Variants in ZNF264 observed in about 807,000 individuals in gnomAD.
The protein encoded by ZNF264 is zinc finger protein 264.
Under a neutral mutation model 11.2 loss-of-function variants are expected in ZNF264, and 11 were observed. The observed-to-expected ratio is 0.98, with a 90% confidence interval of 0.62 to 1.63. The LOEUF is 1.63. Ranked by LOEUF, ZNF264 falls within the 40% of genes most tolerant of loss-of-function variation. The probability of loss-of-function intolerance (pLI) is 0.00; values close to 1 mark genes in which losing one functional copy is unlikely to be tolerated. For missense variants in ZNF264, 752 were observed against 768.1 expected (o/e 0.98, Z 0.25); for synonymous variants, 309 against 279.8 (o/e 1.10, Z -1.04).
rs537601339 is a variant in ZNF264, at chr19:57,210,993, G to T, written c.257-361G>T. ...TGTCTTCCATGTGGGCTCATTAGGT[G>T]CTCCTTCCTCGTGTTCTTGTAGCAA... is the stretch of plus-strand genomic sequence containing the variant. On this transcript the variant is annotated intron_variant, in intron 3 of 3. Transcript: ENST00000263095. Among the ~76,000 whole-genome samples the T allele has an allele frequency of 3.9e-5, 6 of 152,326 alleles. No individual in the cohort carries two copies. In the South Asian group the frequency reaches 1.2e-3, roughly 32 times the overall value.
Position 57,212,092 on chromosome 19 carries a change from G to A in ZNF264, c.995G>A (p.Arg332Gln), listed in dbSNP as rs775898066. 3.5e-5 allele frequency: 56 copies of A among 1,613,988 alleles called. No homozygotes were observed. The East Asian group carries it at 7.4e-4, about 21-fold the overall frequency. The change falls in exon 4 of 4, where the codon CGG becomes CAG. Residue 332 changes from arginine to glutamine, a missense_variant. Arg to Gln is a conservative substitution (Grantham distance 43). Transcript: ENST00000263095. ...QVFRHRPGFLRHYVVHSGENP... is the reference protein window; with the variant it reads ...QVFRHRPGFLQHYVVHSGENP... ...TTTCGACATAGGCCAGGCTTTCTCC[G>A]GCACTATGTTGTCCACAGTGGTGAG...
chr19:57,207,840 C>A (rs1371899983), intron 3 of ZNF264, among the ~76,000 whole-genome samples: 2 of 152,080 alleles, frequency 1.3e-5, no homozygotes, highest in African/African-American at 4.8e-5. Flanking sequence ...GATTCTCCTG[C>A]CTCAGCCTCC....
At chr19:57,205,534 T>C (rs1372968501) in intron 3 of ZNF264, 42 bp downstream of exon 3, 1 of 1,545,956 alleles carries the variant, frequency 6.5e-7, no homozygotes, top group Admixed American at 1.9e-5. Flanking sequence ...CCTTCTGGCT[T>C]AAGACTGGAT....
At chr19:57,196,974 G>C (rs902641523) in intron 2 of ZNF264, among the ~76,000 whole-genome samples, 1 of 151,878 alleles carries the variant, frequency 6.6e-6, no homozygotes, top group Non-Finnish European at 1.5e-5. Context: ...ATTTCCCTTC[G>C]CCACTCTCCT....
intron 3 of ZNF264, among the ~76,000 whole-genome samples, 189 bp downstream of exon 3, chr19:57,205,681 T>C (rs1272474504): frequency 1.3e-5 from 2 of 152,166 alleles, no homozygotes; most frequent in African/African-American, 4.8e-5. Context: ...TTCTCTGTCC[T>C]CCTAGCCCCA....
In ZNF264 at chr19:57,213,279, G is replaced by T; in HGVS notation, c.*298G>T. The T allele has an allele frequency of 7.7e-6, 2 of 259,340 alleles. No individual in the cohort carries two copies. The highest frequency in any genetic ancestry group is 1.5e-5 in the Non-Finnish European group (2 of 134,710). 16.1% of individuals were successfully genotyped at this position (259,340 alleles called of 1,614,324 possible). A position where few individuals can be genotyped will look rare whatever the true frequency, so the allele number is the denominator to read the frequency against. ...GTCATGGATTTCTTAGTGTATTTGG[G>T]GGAAGGGAAATGTTTCAAGGTAAAG... On this transcript the variant is annotated 3_prime_UTR_variant, in exon 4 of 4. Coordinates refer to ENST00000263095, the MANE Select transcript of ZNF264 (RefSeq NM_003417.5).
At chr19:57,193,677 A>G (rs1397902889) in intron 1 of ZNF264, 198 bp from the exon 2 acceptor site, 2 of 625,662 alleles carry the variant, frequency 3.2e-6, no homozygotes, top group Non-Finnish European at 4.0e-6. Context: ...GCCGTTAAAT[A>G]GGAGGCTTCT....
intron 2 of ZNF264, among the ~76,000 whole-genome samples, chr19:57,197,153 G>T (rs1211313889): frequency 6.6e-6 from 1 of 151,886 alleles, no homozygotes; most frequent in Non-Finnish European, 1.5e-5. Context: ...GGGAGAGAAG[G>T]TGGGGTGGCA....
In ZNF264 at chr19:57,218,031, C is replaced by T. The variant is rs575761038; in HGVS notation, c.*5050C>T. ...GTCTCAAACTCCTGACCTTGTGATCCGCCAACCTTGGCCTGTCGACCTCTT... is the reference window on the plus strand; with the variant it reads ...GTCTCAAACTCCTGACCTTGTGATCTGCCAACCTTGGCCTGTCGACCTCTT... On this transcript the variant is annotated 3_prime_UTR_variant, in exon 4 of 4. Transcript: ENST00000263095. The T allele has an allele frequency of 9.2e-5, 14 of 152,178 alleles. No homozygotes were observed. The highest frequency in any genetic ancestry group is 4.2e-4 in the South Asian group (2 of 4,814). 9.4% of individuals were successfully genotyped at this position (152,178 alleles called of 1,614,324 possible).
Position 57,215,743 on chromosome 19 carries a change from A to G in ZNF264, c.*2762A>G, listed in dbSNP as rs1231076612. The G allele has an allele frequency of 6.6e-6, 1 of 151,988 alleles. No individual in the cohort carries two copies. Among genetic ancestry groups the G allele is most frequent in the Non-Finnish European group, 1.5e-5 (1 of 67,956 alleles). 9.4% of individuals were successfully genotyped at this position (151,988 alleles called of 1,614,324 possible). A position where few individuals can be genotyped will look rare whatever the true frequency, so the allele number is the denominator to read the frequency against. On this transcript the variant is annotated 3_prime_UTR_variant, in exon 4 of 4. Coordinates refer to ENST00000263095, the MANE Select transcript of ZNF264 (RefSeq NM_003417.5). ...TTACATTTTAATTCTAATAGTTTTT[A>G]TTTTTTGAGACATTCTCTCTTAGCC...
chr19:57,218,230 G>T lies in ZNF264; in HGVS notation c.*5249G>T, dbSNP rs2087394072. 6.6e-6 allele frequency: 1 copy of T among 151,850 alleles called. No homozygotes were observed. Among genetic ancestry groups the T allele is most frequent in the Non-Finnish European group, 1.5e-5 (1 of 67,988 alleles). 9.4% of individuals were successfully genotyped at this position (151,850 alleles called of 1,614,324 possible). On this transcript the variant is annotated 3_prime_UTR_variant, in exon 4 of 4. Transcript: ENST00000263095. ...TCCTTCATTCCCAAAGAATATTTTT[G>T]TGGAATATAAGATTCAGAGTTGGCA...
intron 2 of ZNF264, among the ~76,000 whole-genome samples, chr19:57,200,556 G>A (rs2087244303): frequency 6.8e-6 from 1 of 147,332 alleles, no homozygotes; most frequent in African/African-American, 2.5e-5. Context: ...CTTGTGTCTT[G>A]TGTCTTGTCT....
chr19:57,193,683 C>A, intron 1 of ZNF264, 192 bp from the exon 2 acceptor site: 1 of 620,976 alleles, frequency 1.6e-6, no homozygotes, highest in Non-Finnish European at 2.0e-6. Flanking sequence ...AAATAGGAGG[C>A]TTCTCTCCTT....
At position 57,213,227 on chromosome 19, in the gene ZNF264, G is replaced by T. The variant is rs2087355008; in HGVS notation, c.*246G>T. 8.0e-6 allele frequency: 3 copies of T among 374,326 alleles called. No homozygotes were observed. Among genetic ancestry groups the T allele is most frequent in the Non-Finnish European group, 1.4e-5 (3 of 208,486 alleles). The allele number at this position is 374,326 out of a possible 1,614,324, so 23.2% of individuals were successfully genotyped here. On this transcript the variant is annotated 3_prime_UTR_variant, in exon 4 of 4. Transcript: ENST00000263095. ...GAAATGCAAGCACACATCTTTTCAGGCTTCTCTGCCAAGCCTATGGCGCTT... is the reference window on the plus strand; with the variant it reads ...GAAATGCAAGCACACATCTTTTCAGTCTTCTCTGCCAAGCCTATGGCGCTT...
At chr19:57,194,901 G>A (rs2087201163) in intron 2 of ZNF264, 1 of 399,556 alleles carries the variant, frequency 2.5e-6, no homozygotes, top group African/African-American at 2.1e-5. Context: ...TTACTGGTGG[G>A]AAGTATTATT....
At chr19:57,205,024 C>T (rs755767023) in intron 2 of ZNF264, among the ~76,000 whole-genome samples, 13 of 152,242 alleles carry the variant, frequency 8.5e-5, no homozygotes, top group Non-Finnish European at 1.8e-4. Flanking sequence ...AGAAAATCCT[C>T]AGCTGGAATC....
chr19:57,194,135 T>A, intron 2 of ZNF264, 134 bp downstream of exon 2: 1 of 1,295,656 alleles, frequency 7.7e-7, no homozygotes, highest in Non-Finnish European at 1.1e-6. Context: ...TTAGTCATTT[T>A]CCACAGTAAC....
chr19:57,205,318 CTGA>C (rs1353756643), intron 2 of ZNF264, 76 bp from the exon 3 acceptor site: 1 of 1,390,432 alleles, frequency 7.2e-7, no homozygotes, highest in African/African-American at 1.4e-5. Context: ...GGTCTCCATC[CTGA>C]AGTCCCAAAC....
intron 1 of ZNF264, among the ~76,000 whole-genome samples, chr19:57,193,318 C>A (rs2087188788): frequency 6.6e-6 from 1 of 152,316 alleles, no homozygotes; most frequent in East Asian, 1.9e-4. Flanking sequence ...CCAGAGCACA[C>A]TGAGCATTGA....
Sources: gnomAD v4.1 joint callset for allele counts (sites outside exome capture counted in the v4.1 genomes callset) on GRCh38, gnomAD v4.1.1 for gene constraint, MANE v1.5 for transcripts, NCBI Gene and HGNC (gene_info 2026-07-23, HGNC 2026-07-21) for gene names.